KLF8: variants seen among roughly 807,000 people sequenced by gnomAD.
The protein encoded by KLF8 is Krueppel-like factor 8.
A neutral mutation model predicts 18.2 loss-of-function variants in KLF8; 10 were observed. The ratio of observed to expected loss-of-function variants is 0.55; its 90% CI spans 0.34 to 0.93. KLF8 has a LOEUF of 0.93. KLF8 is among the 40% of genes least tolerant of loss of function. The probability of loss-of-function intolerance (pLI) is 0.02; values close to 1 mark genes in which losing one functional copy is unlikely to be tolerated. For synonymous variants in KLF8, 109 were observed against 97.3 expected (o/e 1.12, Z -0.71); for missense variants, 264 against 277.9 (o/e 0.95, Z 0.36).
the KLF8 span, among the ~76,000 whole-genome samples, chrX:56,167,776 AT>A: frequency 8.9e-6 from 1 of 112,548 alleles, no homozygotes; most frequent in Admixed American, 9.5e-5. Context: ...ACAGTAAAAT[AT>A]CCCAGTTCAG....
the KLF8 span, among the ~76,000 whole-genome samples, chrX:56,137,639 T>C: frequency 1.9e-5 from 2 of 103,407 alleles, no homozygotes; most frequent in African/African-American, 7.2e-5. Context: ...CATTGGGAGA[T>C]ATACCTAATG....
At chrX:56,016,046 T>C in the KLF8 span, among the ~76,000 whole-genome samples, 1 of 112,055 alleles carries the variant, frequency 8.9e-6, no homozygotes, top group African/African-American at 3.2e-5. Context: ...TGAATGCTTT[T>C]TTGGAGCATT....
chrX:56,055,197 T>C, the KLF8 span, among the ~76,000 whole-genome samples: 2 of 112,239 alleles, frequency 1.8e-5, no homozygotes, highest in African/African-American at 6.5e-5. Flanking sequence ...TCAGTATGTT[T>C]TCGTAGTGGC....
the KLF8 span, among the ~76,000 whole-genome samples, chrX:56,145,681 C>T: frequency 3.6e-5 from 4 of 111,971 alleles, no homozygotes; most frequent in Non-Finnish European, 5.6e-5. Flanking sequence ...AAACATTGTG[C>T]TACATGTATA....
chrX:55,933,317 A>C, the KLF8 span, among the ~76,000 whole-genome samples: 1 of 111,995 alleles, frequency 8.9e-6, no homozygotes, highest in Non-Finnish European at 1.9e-5. Context: ...AAGATGTTCT[A>C]GTCTTCTCAG....
the KLF8 span, among the ~76,000 whole-genome samples, chrX:56,028,659 G>A: frequency 3.6e-5 from 4 of 111,539 alleles, no homozygotes; most frequent in African/African-American, 1.3e-4. Context: ...ACGCCTCCCT[G>A]AAGATGATGC....
At chrX:56,187,070 T>C in the KLF8 span, among the ~76,000 whole-genome samples, 1 of 111,228 alleles carries the variant, frequency 9.0e-6, no homozygotes, top group South Asian at 3.8e-4. Flanking sequence ...CTTCAAAAAA[T>C]TAATGAATCT....
the KLF8 span, among the ~76,000 whole-genome samples, chrX:55,940,779 T>A: frequency 9.0e-6 from 1 of 111,509 alleles, no homozygotes; most frequent in Admixed American, 9.6e-5. Context: ...TCACAATTGC[T>A]TCAAAGAGAA....
chrX:55,968,911 T>C, the KLF8 span, among the ~76,000 whole-genome samples: 7 of 111,966 alleles, frequency 6.3e-5, no homozygotes, highest in African/African-American at 2.3e-4. Context: ...GTTATAACAA[T>C]TGTAAATATA....
At chrX:56,107,626 C>T in the KLF8 span, among the ~76,000 whole-genome samples, 2 of 111,566 alleles carry the variant, frequency 1.8e-5, no homozygotes, top group Non-Finnish European at 3.8e-5. Flanking sequence ...TAAAGTCTGT[C>T]ACGGAGTCCC....
the KLF8 span, among the ~76,000 whole-genome samples, chrX:56,130,899 A>G: frequency 8.9e-6 from 1 of 111,952 alleles, no homozygotes; most frequent in Non-Finnish European, 1.9e-5. Context: ...CAAACAGAAA[A>G]AAGAACTTCA....
the KLF8 span, among the ~76,000 whole-genome samples, chrX:56,087,011 A>T: frequency 9.0e-6 from 1 of 111,643 alleles, no homozygotes; most frequent in Non-Finnish European, 1.9e-5. Context: ...CATTAAGGTC[A>T]GGTTGGAACT....
chrX:56,281,121 C>T lies in KLF8; in HGVS notation c.899-3192C>T, dbSNP rs978496615. On this transcript the variant is annotated intron_variant, in intron 5 of 5. Transcript: ENST00000468660. ...TAGGACAGACTGCTCTCACACACAC[C>T]CCCTTGGGTATATCATTGCCTTTTA... Among the ~76,000 whole-genome samples the T allele has an allele frequency of 2.7e-5, 3 of 112,173 alleles. No individual in the cohort carries two copies. In the South Asian group the frequency reaches 1.1e-3, roughly 42 times the overall value.
chrX:55,940,013 C>G, the KLF8 span, among the ~76,000 whole-genome samples: 6 of 111,897 alleles, frequency 5.4e-5, no homozygotes, highest in Non-Finnish European at 1.1e-4. Context: ...GGAATCCTCC[C>G]TAACTCATTT....
chrX:56,156,573 T>A, the KLF8 span, among the ~76,000 whole-genome samples: 2 of 107,361 alleles, frequency 1.9e-5, no homozygotes, highest in African/African-American at 6.8e-5. Flanking sequence ...GATCTTGTTC[T>A]TTTTTTTTTC....
Position 56,267,083 on chromosome X carries a change from A to T in KLF8, c.646+1339A>T, listed in dbSNP as rs776165764. On this transcript the variant is annotated intron_variant, in intron 3 of 5. Transcript: ENST00000468660. ...TGACAGTTTATGCTGAGATAAAGGC[A>T]GTGGTAACATCAAAGGATGGTTTGA... 9.0e-5 allele frequency: 68 copies of T among 752,690 alleles called. No homozygotes were observed. The South Asian group carries it at 3.8e-3, about 42-fold the overall frequency. The allele number at this position is 752,690 out of a possible 1,213,427, so 62.0% of individuals were successfully genotyped here. A position where few individuals can be genotyped will look rare whatever the true frequency, so the allele number is the denominator to read the frequency against.
the KLF8 span, among the ~76,000 whole-genome samples, chrX:56,104,668 C>T: frequency 1.8e-5 from 2 of 111,273 alleles, no homozygotes; most frequent in Non-Finnish European, 3.8e-5. Context: ...AAAACCAGCT[C>T]CTGGATTCAT....
At chrX:55,991,210 C>T in the KLF8 span, among the ~76,000 whole-genome samples, 6 of 111,991 alleles carry the variant, frequency 5.4e-5, no homozygotes, top group Admixed American at 1.9e-4. Context: ...CAATGGCAGG[C>T]GCCCTTCCCC....
chrX:56,062,316 T>G, the KLF8 span, among the ~76,000 whole-genome samples: 2 of 111,471 alleles, frequency 1.8e-5, no homozygotes, highest in Middle Eastern at 4.6e-3. Context: ...TTTTTGTTTG[T>G]GTTTTTGTCT....
Sources: allele counts gnomAD v4.1 joint callset (sites outside exome capture counted in the v4.1 genomes callset), GRCh38; gene constraint gnomAD v4.1.1; transcripts MANE v1.5; gene names NCBI Gene and HGNC (gene_info 2026-07-23, HGNC 2026-07-21).